Variants in SPAG16 observed in about 807,000 individuals in gnomAD.
The protein encoded by SPAG16 is sperm associated antigen 16.
In SPAG16, 86 loss-of-function variants were observed where a neutral mutation model predicts 80.4. That is an observed-to-expected ratio of 1.07 (90% confidence interval 0.90 to 1.28). The LOEUF is 1.28. Among genes scored for constraint, SPAG16 ranks in the 50% most tolerant of loss-of-function variants. SPAG16 has a pLI of 0.00. For missense variants in SPAG16, 870 were observed against 765.3 expected (o/e 1.14, Z -1.61); for synonymous variants, 294 against 265.9 (o/e 1.11, Z -1.03).
intron 11 of SPAG16, among the ~76,000 whole-genome samples, chr2:213,908,270 G>C (rs1363292891): frequency 6.6e-6 from 1 of 152,162 alleles, no homozygotes; most frequent in Non-Finnish European, 1.5e-5. Flanking sequence ...CAAGGCATGG[G>C]AGACCTTAGT....
intron 15 of SPAG16, among the ~76,000 whole-genome samples, chr2:214,243,132 G>T (rs1185116072): frequency 1.3e-5 from 2 of 152,062 alleles, no homozygotes; most frequent in East Asian, 1.9e-4. Flanking sequence ...CTAGAAACCT[G>T]GTTCAATGTC....
intron 15 of SPAG16, among the ~76,000 whole-genome samples, chr2:214,321,548 A>C (rs745745994): frequency 3.9e-5 from 6 of 152,204 alleles, no homozygotes; most frequent in Non-Finnish European, 8.8e-5. Context: ...CAATTGCTCT[A>C]TTCCCCAAAT....
chr2:213,626,344 A>G (rs1484390346), intron 10 of SPAG16, among the ~76,000 whole-genome samples: 3 of 152,170 alleles, frequency 2.0e-5, no homozygotes, highest in African/African-American at 4.8e-5. Flanking sequence ...ACCATGAAAA[A>G]CAAAACTGTA....
intron 11 of SPAG16, among the ~76,000 whole-genome samples, chr2:213,899,517 A>G (rs1356639339): frequency 6.6e-6 from 1 of 152,136 alleles, no homozygotes; most frequent in East Asian, 1.9e-4. Context: ...GATTAAATGG[A>G]TTTAAAGCCT....
chr2:213,727,244 T>G (rs773392444), intron 10 of SPAG16, among the ~76,000 whole-genome samples: 29 of 152,298 alleles, frequency 1.9e-4, no homozygotes, highest in Admixed American at 1.0e-3. Context: ...GCATTACAAA[T>G]TAAGTAGTAA....
At chr2:214,276,768 CT>C (rs141561193) in intron 15 of SPAG16, among the ~76,000 whole-genome samples, 249 of 152,196 alleles carry the variant, frequency 1.6e-3, no homozygotes, top group African/African-American at 5.7e-3. Flanking sequence ...AATTATGTGT[CT>C]TGGGGTTGCT....
chr2:214,278,259 C>A (rs966051987), intron 15 of SPAG16, among the ~76,000 whole-genome samples: 23 of 152,320 alleles, frequency 1.5e-4, no homozygotes, highest in Non-Finnish European at 2.8e-4. Flanking sequence ...ATCTCCCAAC[C>A]CCTGGCACTT....
chr2:213,930,443 T>A (rs567297937), intron 12 of SPAG16, among the ~76,000 whole-genome samples: 1 of 152,312 alleles, frequency 6.6e-6, no homozygotes, highest in African/African-American at 2.4e-5. Context: ...TAGAAACAAA[T>A]ACTTCTTTTA....
At chr2:214,317,349 A>G (rs1695765844) in intron 15 of SPAG16, among the ~76,000 whole-genome samples, 1 of 152,194 alleles carries the variant, frequency 6.6e-6, no homozygotes, top group South Asian at 2.1e-4. Flanking sequence ...TAATTTGAGC[A>G]CATACTCCAT....
chr2:213,922,500 T>C (rs2106213446), intron 11 of SPAG16, among the ~76,000 whole-genome samples: 1 of 152,350 alleles, frequency 6.6e-6, no homozygotes, highest in Admixed American at 6.5e-5. Context: ...TCCTTGTTCC[T>C]GTTCATATTC....
chr2:214,133,091 T>G (rs2054862779), intron 14 of SPAG16, among the ~76,000 whole-genome samples: 1 of 136,892 alleles, frequency 7.3e-6, no homozygotes, highest in South Asian at 2.5e-4. Context: ...AAACTCCATC[T>G]CAAATAAAAT....
intron 15 of SPAG16, among the ~76,000 whole-genome samples, chr2:214,329,422 T>C (rs1391816352): frequency 6.6e-6 from 1 of 152,176 alleles, no homozygotes; most frequent in Non-Finnish European, 1.5e-5. Flanking sequence ...ATCAAACAAA[T>C]GAATAGATAA....
chr2:213,314,103 G>A (rs1258961978), intron 4 of SPAG16, among the ~76,000 whole-genome samples: 2 of 151,762 alleles, frequency 1.3e-5, no homozygotes, highest in Non-Finnish European at 2.9e-5. Context: ...GGTCTTAAAT[G>A]CTTTTGTTAT....
At chr2:214,080,175 G>C (rs1196811594) in intron 13 of SPAG16, among the ~76,000 whole-genome samples, 1 of 152,108 alleles carries the variant, frequency 6.6e-6, no homozygotes, top group Non-Finnish European at 1.5e-5. Flanking sequence ...GTGAGGCTGA[G>C]AATTCATTGG....
At chr2:213,303,164 T>G (rs1299735508) in intron 3 of SPAG16, among the ~76,000 whole-genome samples, 1 of 152,108 alleles carries the variant, frequency 6.6e-6, no homozygotes, top group Non-Finnish European at 1.5e-5. Context: ...TGTACTCTGC[T>G]AGTTTGGTAT....
At chr2:213,773,526 C>T (rs770165329) in intron 10 of SPAG16, among the ~76,000 whole-genome samples, 2 of 151,938 alleles carry the variant, frequency 1.3e-5, no homozygotes, top group Admixed American at 6.6e-5. Flanking sequence ...AATGGTGTTT[C>T]TTTTTGTTTT....
intron 14 of SPAG16, among the ~76,000 whole-genome samples, chr2:214,112,639 C>CTTTTT (rs56776022): frequency 4.4e-5 from 5 of 112,798 alleles, no homozygotes; most frequent in South Asian, 3.1e-4. Flanking sequence ...GCAACCCCTG[C>CTTTTT]TTTTTTTTTT....
chr2:213,835,466 G>C (rs1022079121), intron 10 of SPAG16, among the ~76,000 whole-genome samples: 4 of 152,054 alleles, frequency 2.6e-5, no homozygotes. Flanking sequence ...CATTGCTTTT[G>C]AATCTAATAA....
intron 5 of SPAG16, among the ~76,000 whole-genome samples, chr2:213,337,714 G>C (rs552782056): frequency 2.0e-4 from 30 of 152,186 alleles, no homozygotes; most frequent in African/African-American, 6.7e-4. Flanking sequence ...TCTGAGAACT[G>C]TGTGATTATG....
Sources: allele counts gnomAD v4.1 joint callset (sites outside exome capture counted in the v4.1 genomes callset), GRCh38; gene constraint gnomAD v4.1.1; transcripts MANE v1.5; gene names NCBI Gene and HGNC (gene_info 2026-07-23, HGNC 2026-07-21).